The following FAT3 variants were observed in gnomAD, a reference collection of about 807,000 sequenced individuals.
FAT3 encodes protocadherin Fat 3.
A neutral mutation model predicts 310.2 loss-of-function variants in FAT3; 95 were observed. The ratio of observed to expected loss-of-function variants is 0.31; its 90% CI spans 0.26 to 0.36. The LOEUF (loss-of-function observed/expected upper bound fraction) is 0.36, where lower values mean the gene tolerates loss of function less well. Among genes scored for constraint, FAT3 ranks in the 10% least tolerant of loss-of-function variants. FAT3 has a pLI of 1.00. For synonymous variants in FAT3, 2,314 were observed against 2,192.9 expected (o/e 1.06, Z -1.54); for missense variants, 5,408 against 5,715.6 (o/e 0.95, Z 1.74).
chr11:92,547,557 T>G (rs1240405330), intron 3 of FAT3, among the ~76,000 whole-genome samples: 1 of 152,094 alleles, frequency 6.6e-6, no homozygotes, highest in Non-Finnish European at 1.5e-5. Flanking sequence ...AATTTTTAGT[T>G]GTTTCAGCCC....
At chr11:92,317,853 A>ATAGT (rs1369080384) in intron 1 of FAT3, among the ~76,000 whole-genome samples, 1 of 152,170 alleles carries the variant, frequency 6.6e-6, no homozygotes, top group Admixed American at 6.5e-5. Flanking sequence ...GCTTTGAAAT[A>ATAGT]TAGTGCCTTG....
At chr11:92,293,537 TATATATATATATATAA>T (rs569047716) in intron 1 of FAT3, among the ~76,000 whole-genome samples, 2,429 of 83,680 alleles carry the variant, frequency 0.029, 72 homozygotes, top group African/African-American at 0.068. Flanking sequence ...TATATATATA[TATATATATATATATAA>T]ATAAAATATA....
chr11:92,565,672 C>T (rs1955406666), intron 3 of FAT3, among the ~76,000 whole-genome samples: 1 of 150,236 alleles, frequency 6.7e-6, no homozygotes, highest in Admixed American at 6.6e-5. Context: ...AGCAGCACAT[C>T]AAAAAGCTTA....
chr11:92,801,104 C>T lies in FAT3; in HGVS notation c.8091C>T (p.His2697=), dbSNP rs765879241. 1.8e-5 allele frequency: 29 copies of T among 1,613,836 alleles called. No individual in the cohort carries two copies. The highest frequency in any genetic ancestry group is 8.3e-5 in the Admixed American group (5 of 59,996). ...ACTCCCTCATTCCTGTCTATATCCA[C>T]GTCTTGCCCCCTGAAACGTTCTTGC... The part of the protein sequence containing the change: ...VKHSLIPVYI[H]VLPPETFLPS... The change falls in exon 10 of 28, where the codon CAC becomes CAT. Residue 2697 remains histidine, a synonymous_variant. Coordinates refer to ENST00000525166, the MANE Select transcript of FAT3 (RefSeq NM_001367949.2).
In FAT3 at chr11:92,354,040, G is replaced by T; in HGVS notation, c.1928G>T (p.Gly643Val). Residue 643 changes from glycine (G) to valine (V), a missense_variant, in exon 2 of 28, where the codon GGC becomes GTC. Gly to Val is a moderately radical substitution (Grantham distance 109). Coordinates refer to ENST00000525166, the MANE Select transcript of FAT3 (RefSeq NM_001367949.2). ...CTTAAAAAATCACTGACAAATTCTG[G>T]CATTAAAAATGGCAATTTTGCCCTC... Reference protein sequence around the residue: ...LQLKKSLTNSGIKNGNFALRI... With the variant: ...LQLKKSLTNSVIKNGNFALRI... 2.5e-6 allele frequency: 4 copies of T among 1,613,314 alleles called. No individual in the cohort carries two copies. The highest frequency in any genetic ancestry group is 3.4e-6 in the Non-Finnish European group (4 of 1,179,652).
chr11:92,422,674 G>C (rs1005273509), intron 2 of FAT3, among the ~76,000 whole-genome samples: 1 of 152,018 alleles, frequency 6.6e-6, no homozygotes, highest in Non-Finnish European at 1.5e-5. Context: ...GGTGTAGAAG[G>C]GGGTGTAGTA....
At chr11:92,385,606 G>A (rs1949599549) in intron 2 of FAT3, among the ~76,000 whole-genome samples, 1 of 151,968 alleles carries the variant, frequency 6.6e-6, no homozygotes, top group Non-Finnish European at 1.5e-5. Flanking sequence ...GGCCTGAGGT[G>A]ATCCACCTGC....
chr11:92,782,909 C>T (rs1381800987), intron 7 of FAT3, among the ~76,000 whole-genome samples: 1 of 152,172 alleles, frequency 6.6e-6, no homozygotes, highest in African/African-American at 2.4e-5. Context: ...TTATGGCCTC[C>T]CTTCATCCTG....
At chr11:92,285,380 T>C (rs1946535055) in intron 1 of FAT3, among the ~76,000 whole-genome samples, 2 of 152,234 alleles carry the variant, frequency 1.3e-5, no homozygotes, top group South Asian at 4.1e-4. Flanking sequence ...ATTATTTTGC[T>C]AAATGGTTAG....
intron 7 of FAT3, among the ~76,000 whole-genome samples, chr11:92,774,825 C>T (rs1946557547): frequency 6.6e-6 from 1 of 152,102 alleles, no homozygotes; most frequent in Non-Finnish European, 1.5e-5. Flanking sequence ...TCGAGGACCG[C>T]TCCTTATACT....
intron 3 of FAT3, among the ~76,000 whole-genome samples, chr11:92,628,602 A>G (rs992733175): frequency 3.3e-5 from 5 of 152,244 alleles, no homozygotes; most frequent in African/African-American, 1.2e-4. Flanking sequence ...GAAATGCTAT[A>G]TTTAGGAACT....
rs1233862636 is a variant in FAT3, at chr11:92,354,483, C to G, written c.2371C>G (p.Arg791Gly). 7.4e-6 allele frequency: 12 copies of G among 1,613,642 alleles called. No individual in the cohort carries two copies. The highest frequency in any genetic ancestry group is 9.3e-6 in the Non-Finnish European group (11 of 1,179,858). Residue 791 changes from arginine to glycine, a missense_variant, in exon 2 of 28, where the codon CGA becomes GGA. Physicochemically the swap from Arg to Gly is moderately radical, Grantham distance 125. Transcript: ENST00000525166. ...GCTTAAAGTCCTTATGCCCATGGAT[C>G]GAGAACACACAGACCTCTATCTCCT... ...GQLKVLMPMD[R>G]EHTDLYLLNI... is the part of the protein sequence containing the mutation.
rs567993611 is a variant in FAT3 at position 92,544,769 on chromosome 11, G to A, written c.3607+19821G>A. Among the ~76,000 whole-genome samples, 124 of 152,254 alleles carry A rather than the reference G, an allele frequency of 8.1e-4. 1 individual carries two copies. The highest frequency in any genetic ancestry group is 2.8e-3 in the African/African-American group (118 of 41,548). On this transcript the variant is annotated intron_variant, in intron 3 of 27. Transcript: ENST00000525166. ...CTCCTCTGGGAACAGGGAAGGTATC[G>A]CCAACCGCTTCAGCCCTCAGGGAGC...
intron 3 of FAT3, among the ~76,000 whole-genome samples, chr11:92,616,442 C>T (rs1940809766): frequency 1.3e-5 from 2 of 152,118 alleles, no homozygotes; most frequent in African/African-American, 4.8e-5. Flanking sequence ...ATTTGCCAGT[C>T]TGTGTCCTTT....
chr11:92,306,339 T>C (rs906438428), intron 1 of FAT3, among the ~76,000 whole-genome samples: 1 of 150,662 alleles, frequency 6.6e-6, no homozygotes, highest in African/African-American at 2.4e-5. Context: ...GTGCTCTTAG[T>C]AGAGTCCATA....
intron 1 of FAT3, among the ~76,000 whole-genome samples, chr11:92,235,261 T>C (rs1441335487): frequency 6.6e-6 from 1 of 152,132 alleles, no homozygotes; most frequent in Non-Finnish European, 1.5e-5. Flanking sequence ...TTGGTACTTC[T>C]TGGCCCCTTT....
rs762531307 is a variant in FAT3, at chr11:92,478,958, T to TTTCTTTC, written c.3293-45674_3293-45673insCTTTCTT. On this transcript the variant is annotated intron_variant, in intron 2 of 27. Transcript: ENST00000525166. ...TCTCTTTCTTTCTTTCTTTCTTTTC[T>TTTCTTTC]TTTCTTTTCTTTTCTTTTCTTTTCT... 4.9e-3 allele frequency among the ~76,000 whole-genome samples: 556 copies of TTTCTTTC among 113,618 alleles called. 15 individuals are homozygous for TTTCTTTC. Among genetic ancestry groups the TTTCTTTC allele is most frequent in the African/African-American group, 7.3e-3 (225 of 30,708 alleles). The allele number at this position is 113,618 out of a possible 152,430, so 74.5% of individuals were successfully genotyped here.
intron 2 of FAT3, among the ~76,000 whole-genome samples, chr11:92,466,481 T>C (rs908713262): frequency 2.6e-5 from 4 of 152,234 alleles, no homozygotes; most frequent in Non-Finnish European, 4.4e-5. Context: ...CTATCACTTA[T>C]GCACTCAGCA....
At chr11:92,630,642 C>G (rs1425342357) in intron 3 of FAT3, among the ~76,000 whole-genome samples, 4 of 152,202 alleles carry the variant, frequency 2.6e-5, no homozygotes, top group Non-Finnish European at 5.9e-5. Context: ...TAATTTTTCT[C>G]ACTTCCAACA....
Sources: gnomAD v4.1 joint callset for allele counts (sites outside exome capture counted in the v4.1 genomes callset) on GRCh38, gnomAD v4.1.1 for gene constraint, MANE v1.5 for transcripts, NCBI Gene and HGNC (gene_info 2026-07-23, HGNC 2026-07-21) for gene names.